The following RHEB variants were observed in gnomAD, a reference collection of about 807,000 sequenced individuals.
RHEB encodes the protein GTP-binding protein Rheb.
RHEB carries 2 observed loss-of-function variants against 28.8 expected under a neutral mutation model. That is an observed-to-expected ratio of 0.07 (90% CI 0.03 to 0.22). The LOEUF is 0.22. Ranked by LOEUF, RHEB falls within the 10% of genes least tolerant of loss-of-function variation. The pLI is 1.00. For synonymous variants in RHEB, 69 were observed against 77.3 expected (o/e 0.89, Z 0.56); for missense variants, 76 against 219.9 (o/e 0.35, Z 4.14).
chr7:151,517,579 T>C (rs1051596483), intron 1 of RHEB, among the ~76,000 whole-genome samples: 2 of 150,664 alleles, frequency 1.3e-5, no homozygotes, highest in South Asian at 2.1e-4. Flanking sequence ...CAACAGTTTG[T>C]GAGGACAAGG....
At chr7:151,501,948 TG>T in intron 1 of RHEB, 2 of 703,490 alleles carry the variant, frequency 2.8e-6, no homozygotes, top group Non-Finnish European at 5.2e-6. Flanking sequence ...ATTAAGAGCT[TG>T]GAGGCGGGCT....
At chr7:151,484,680 A>G in intron 3 of RHEB, 57 bp downstream of exon 3, 2 of 1,286,786 alleles carry the variant, frequency 1.6e-6, no homozygotes, top group East Asian at 2.3e-5. Context: ...AATCAGTGCT[A>G]GGACCAAGAC....
intron 1 of RHEB, among the ~76,000 whole-genome samples, chr7:151,512,368 C>T (rs186433933): frequency 3.4e-4 from 52 of 152,282 alleles, no homozygotes; most frequent in African/African-American, 1.2e-3. Flanking sequence ...CTCCTCCCCA[C>T]CTTCATCCTG....
At chr7:151,471,669 T>C (rs1802164200) in intron 4 of RHEB, 64 bp from the exon 5 acceptor site, 2 of 1,031,256 alleles carry the variant, frequency 1.9e-6, no homozygotes, top group Admixed American at 4.4e-5. Flanking sequence ...ATGTATGTTA[T>C]GTTGCCAGCT....
At chr7:151,513,382 T>C (rs1803024521) in intron 1 of RHEB, among the ~76,000 whole-genome samples, 1 of 152,188 alleles carries the variant, frequency 6.6e-6, no homozygotes, top group South Asian at 2.1e-4. Flanking sequence ...GCCAAGGAAA[T>C]TATTTGAACT....
chr7:151,512,167 G>T (rs1803003604), intron 1 of RHEB, among the ~76,000 whole-genome samples: 2 of 152,148 alleles, frequency 1.3e-5, no homozygotes, highest in African/African-American at 4.8e-5. Context: ...GCACAATCAT[G>T]TGCAAGTTCA....
chr7:151,470,524 C>T (rs767895658), intron 7 of RHEB, 47 bp downstream of exon 7: 8 of 1,313,238 alleles, frequency 6.1e-6, no homozygotes, highest in Admixed American at 5.1e-5. Flanking sequence ...CACATCCCTG[C>T]GACTGATGAG....
chr7:151,481,834 G>A (rs1399281123), intron 3 of RHEB, among the ~76,000 whole-genome samples: 1 of 152,176 alleles, frequency 6.6e-6, no homozygotes, highest in Non-Finnish European at 1.5e-5. Flanking sequence ...CACTGCTCTT[G>A]TCTTATCTCA....
In RHEB at chr7:151,468,324, G is replaced by A. The variant is rs918441748; in HGVS notation, c.463-1113C>T. On this transcript the variant is annotated intron_variant, in intron 7 of 7. Transcript: ENST00000262187. This position sits in a 1 kb window ranked among gnomAD's most constrained non-coding sequence, Gnocchi z 4.3. ...ACTTCTTGCTGCTCCTTTCCCTCTC[G>A]GTCAGCTCAGACTCAGCAGGCCACC... is the stretch of plus-strand genomic sequence containing the variant. 3.3e-5 allele frequency among the ~76,000 whole-genome samples: 5 copies of A among 152,100 alleles called. No individual in the cohort carries two copies. The highest frequency in any genetic ancestry group is 4.8e-5 in the African/African-American group (2 of 41,418).
At chr7:151,499,538 C>T (rs539685513) in intron 1 of RHEB, among the ~76,000 whole-genome samples, 4 of 152,134 alleles carry the variant, frequency 2.6e-5, no homozygotes, top group Non-Finnish European at 5.9e-5. Flanking sequence ...AATGAAATCA[C>T]AGATATAAAG....
At chr7:151,481,602 G>A (rs1222344361) in intron 3 of RHEB, among the ~76,000 whole-genome samples, 1 of 152,190 alleles carries the variant, frequency 6.6e-6, no homozygotes, top group East Asian at 1.9e-4. Context: ...ACCACGGCAG[G>A]ACATGCCTGT....
chr7:151,502,093 G>A, intron 1 of RHEB: 1 of 412,670 alleles, frequency 2.4e-6, no homozygotes, highest in South Asian at 2.6e-5. Context: ...AAAATTAGCT[G>A]GGTGTGGTGG....
chr7:151,515,202 G>A (rs917236023), intron 1 of RHEB, among the ~76,000 whole-genome samples: 4 of 152,064 alleles, frequency 2.6e-5, no homozygotes, highest in Non-Finnish European at 4.4e-5. Flanking sequence ...CAACATGAAC[G>A]AACCTTGAAA....
intron 1 of RHEB, among the ~76,000 whole-genome samples, chr7:151,501,170 G>A (rs1802766171): frequency 6.6e-6 from 1 of 152,124 alleles, no homozygotes; most frequent in Non-Finnish European, 1.5e-5. Flanking sequence ...TAAGAGCCTT[G>A]TTAAGGGAAT....
chr7:151,489,965 T>C (rs1802549720), intron 2 of RHEB, among the ~76,000 whole-genome samples: 2 of 152,220 alleles, frequency 1.3e-5, no homozygotes, highest in Admixed American at 1.3e-4. Flanking sequence ...TCGTGTCTAA[T>C]ATGCCAATCA....
Position 151,470,602 on chromosome 7 carries a change from G to C in RHEB, c.431C>G (p.Ala144Gly). Residue 144 changes from alanine (A) to glycine (G), a missense_variant, in exon 7 of 8, where the codon GCT becomes GGT. By Grantham distance (60) the Ala-to-Gly change is moderately conservative. Coordinates refer to ENST00000262187, the MANE Select transcript of RHEB (RefSeq NM_005614.4). ...GKALAESWNA[A>G]FLESSAKENQ... is the part of the protein sequence containing the mutation. ...TTCTTTAGCAGAAGATTCCAAAAAA[G>C]CTGCATTCCAAGATTCTGCCAAAGC... 6.2e-7 allele frequency: 1 copy of C among 1,613,236 alleles called. No individual in the cohort carries two copies. Among genetic ancestry groups the C allele is most frequent in the Non-Finnish European group, 8.5e-7 (1 of 1,179,296 alleles).
intron 1 of RHEB, chr7:151,503,362 A>T: frequency 1.1e-6 from 1 of 946,468 alleles, no homozygotes; most frequent in South Asian, 1.3e-5. Context: ...TCGGTTTGTG[A>T]AAGGATTTGG....
chr7:151,501,861 G>A, intron 1 of RHEB: 1 of 605,894 alleles, frequency 1.7e-6, no homozygotes, highest in Non-Finnish European at 3.1e-6. Flanking sequence ...GGCCCTTAGG[G>A]AAGAGGAGGC....
intron 2 of RHEB, among the ~76,000 whole-genome samples, chr7:151,489,910 C>G (rs924826594): frequency 6.6e-6 from 1 of 152,354 alleles, no homozygotes; most frequent in African/African-American, 2.4e-5. Context: ...TCAGCCAAAG[C>G]ATTCAAGTGA....
Sources: gnomAD v4.1 joint callset for allele counts (sites outside exome capture counted in the v4.1 genomes callset) on GRCh38, gnomAD v4.1.1 for gene constraint, Gnocchi (gnomAD v3.1) non-coding constraint, MANE v1.5 for transcripts, NCBI Gene and HGNC (gene_info 2026-07-23, HGNC 2026-07-21) for gene names.